The following IQGAP2 variants were observed in gnomAD, a reference collection of about 807,000 sequenced individuals.
IQGAP2 encodes the protein ras GTPase-activating-like protein IQGAP2.
In IQGAP2, 173 loss-of-function variants were observed where a neutral mutation model predicts 201.3. The ratio of observed to expected loss-of-function variants is 0.86; its 90% CI spans 0.76 to 0.98. The LOEUF (loss-of-function observed/expected upper bound fraction) is 0.98, where lower values mean the gene tolerates loss of function less well. Ranked by LOEUF, IQGAP2 falls within the 50% of genes least tolerant of loss-of-function variation. The pLI, the probability that IQGAP2 is intolerant of heterozygous loss-of-function variation, is 0.00. For missense variants in IQGAP2, 1,687 were observed against 1,864.8 expected, an observed-to-expected ratio of 0.90 and a Z score of 1.76; for synonymous variants, 675 against 673.9, an observed-to-expected ratio of 1.00 and a Z score of -0.03.
At chr5:76,636,891 T>A (rs920058626) in intron 15 of IQGAP2, 143 bp from the exon 16 acceptor site, 8 of 534,676 alleles carry the variant, frequency 1.5e-5, no homozygotes, top group Non-Finnish European at 2.4e-5. Flanking sequence ...ATTCATTCCA[T>A]GTTAGTGGGT....
intron 1 of IQGAP2, among the ~76,000 whole-genome samples, chr5:76,413,331 G>A (rs1293647805): frequency 6.6e-6 from 1 of 151,708 alleles, no homozygotes; most frequent in East Asian, 1.9e-4. Context: ...ACCACACCAG[G>A]CTATTTTTTG....
chr5:76,540,363 C>G (rs1327613319), intron 2 of IQGAP2, among the ~76,000 whole-genome samples: 1 of 152,062 alleles, frequency 6.6e-6, no homozygotes, highest in Non-Finnish European at 1.5e-5. Context: ...AAAAGTTAAT[C>G]TGGTGGCAGA....
At chr5:76,486,143 TAGA>T (rs1311403880) in intron 2 of IQGAP2, among the ~76,000 whole-genome samples, 1 of 152,228 alleles carries the variant, frequency 6.6e-6, no homozygotes, top group Admixed American at 6.5e-5. Context: ...ATTTAAAATG[TAGA>T]AGAAGAATTT....
intron 2 of IQGAP2, among the ~76,000 whole-genome samples, chr5:76,506,905 A>G (rs888141277): frequency 6.6e-6 from 1 of 152,206 alleles, no homozygotes; most frequent in Non-Finnish European, 1.5e-5. Flanking sequence ...ATGTTCACAG[A>G]TAGGAACCCT....
intron 16 of IQGAP2, among the ~76,000 whole-genome samples, chr5:76,637,805 G>A (rs142039452): frequency 6.6e-5 from 10 of 152,344 alleles, no homozygotes; most frequent in Admixed American, 1.3e-4. Context: ...ACAATTGAGT[G>A]TATCTTATAC....
intron 5 of IQGAP2, among the ~76,000 whole-genome samples, chr5:76,586,023 G>T (rs1410130781): frequency 6.6e-6 from 1 of 152,098 alleles, no homozygotes; most frequent in Non-Finnish European, 1.5e-5. Context: ...TTGAGAATTG[G>T]TTCATAAAAT....
At chr5:76,550,385 T>G (rs1020843501) in intron 2 of IQGAP2, among the ~76,000 whole-genome samples, 25 of 151,512 alleles carry the variant, frequency 1.7e-4, no homozygotes, top group Non-Finnish European at 3.2e-4. Context: ...TGATCATTCT[T>G]GGGTGTTTCT....
chr5:76,526,253 A>G (rs955866539), intron 2 of IQGAP2, among the ~76,000 whole-genome samples: 3 of 152,248 alleles, frequency 2.0e-5, no homozygotes, highest in African/African-American at 7.2e-5. Flanking sequence ...TTGTGTACAA[A>G]TGATGACTTG....
At chr5:76,408,540 A>T (rs1202844675) in intron 1 of IQGAP2, among the ~76,000 whole-genome samples, 1 of 152,128 alleles carries the variant, frequency 6.6e-6, no homozygotes, top group Non-Finnish European at 1.5e-5. Context: ...CCTGAATCAT[A>T]AATGTTCACC....
In IQGAP2 at chr5:76,426,997, G is replaced by A. The variant is rs150313965; in HGVS notation, c.46+23406G>A. 1.4e-3 allele frequency among the ~76,000 whole-genome samples: 215 copies of A among 149,576 alleles called. 4 individuals are homozygous for A. The East Asian group carries it at 0.035, about 24-fold the overall frequency. On this transcript the variant is annotated intron_variant, in intron 1 of 35. Coordinates refer to ENST00000274364, the MANE Select transcript of IQGAP2 (RefSeq NM_006633.5). ...TAGTGGAGTGATCAGTACATAATGG[G>A]TGGTGGGCACTGAGAGAGAAGAGAA...
chr5:76,594,531 T>C (rs1418320862), intron 9 of IQGAP2, among the ~76,000 whole-genome samples: 1 of 152,222 alleles, frequency 6.6e-6, no homozygotes, highest in African/African-American at 2.4e-5. Context: ...TTGATGGCTT[T>C]AAATGTGTAG....
At chr5:76,695,045 G>A (rs565992824) in intron 31 of IQGAP2, among the ~76,000 whole-genome samples, 1 of 152,186 alleles carries the variant, frequency 6.6e-6, no homozygotes, top group East Asian at 1.9e-4. Flanking sequence ...CATGGCTGAT[G>A]TGTGAGAGTT....
intron 35 of IQGAP2, 101 bp downstream of exon 35, chr5:76,702,691 A>AGAAAACCAGTGCCTGCCTTATTTGCC: frequency 1.7e-6 from 1 of 603,516 alleles, no homozygotes; most frequent in South Asian, 2.3e-5. Flanking sequence ...AAAGTTTAAC[A>AGAAAACCAGTGCCTGCCTTATTTGCC]GAAAACCAGT....
intron 20 of IQGAP2, 21 bp downstream of exon 20, chr5:76,655,024 A>G (rs767212049): frequency 6.3e-7 from 1 of 1,577,484 alleles, no homozygotes; most frequent in Non-Finnish European, 8.7e-7. Context: ...GCTTTCTGAA[A>G]CAAAGCAAGG....
chr5:76,647,823 C>CCACACACACACACACACA (rs374577768), intron 17 of IQGAP2, among the ~76,000 whole-genome samples: 17 of 62,638 alleles, frequency 2.7e-4, no homozygotes, highest in African/African-American at 6.8e-4. Context: ...TAGCCAAACA[C>CCACACACACACACACACA]CACACACACA....
chr5:76,695,524 A>T lies in IQGAP2; in HGVS notation c.4064A>T (p.His1355Leu). Residue 1355 changes from histidine to leucine, a missense_variant, in exon 32 of 36, where the codon CAT becomes CTT. His to Leu is a moderately conservative substitution (Grantham distance 99). Coordinates refer to ENST00000274364, the MANE Select transcript of IQGAP2 (RefSeq NM_006633.5). ...TCCAGGACTCCAGAAGAAATGAAGCATAGCCAATCTATGATTGAAGATGCA... is the reference window on the plus strand; with the variant it reads ...TCCAGGACTCCAGAAGAAATGAAGCTTAGCCAATCTATGATTGAAGATGCA... ...IDSRTPEEMKHSQSMIEDAQL... is the reference protein window; with the variant it reads ...IDSRTPEEMKLSQSMIEDAQL... 6.2e-7 allele frequency: 1 copy of T among 1,614,214 alleles called. No individual in the cohort carries two copies. The highest frequency in any genetic ancestry group is 8.5e-7 in the Non-Finnish European group (1 of 1,180,018).
At chr5:76,544,125 C>T (rs1340902581) in intron 2 of IQGAP2, among the ~76,000 whole-genome samples, 2 of 152,164 alleles carry the variant, frequency 1.3e-5, no homozygotes, top group Non-Finnish European at 2.9e-5. Flanking sequence ...GCAGCCTGTT[C>T]CTCTCATCAT....
chr5:76,467,682 A>T (rs905187605), intron 2 of IQGAP2, among the ~76,000 whole-genome samples: 2 of 152,230 alleles, frequency 1.3e-5, no homozygotes, highest in Non-Finnish European at 2.9e-5. Flanking sequence ...AAAAACTTGT[A>T]CTCGAATGTT....
chr5:76,424,805 C>T (rs983726246), intron 1 of IQGAP2, among the ~76,000 whole-genome samples: 2 of 152,162 alleles, frequency 1.3e-5, no homozygotes, highest in African/African-American at 4.8e-5. Context: ...CTCCTGTGAC[C>T]TGAAGTAATG....
Sources: gnomAD v4.1 joint callset for allele counts (sites outside exome capture counted in the v4.1 genomes callset) on GRCh38, gnomAD v4.1.1 for gene constraint, MANE v1.5 for transcripts, NCBI Gene and HGNC (gene_info 2026-07-23, HGNC 2026-07-21) for gene names.